TCAIM: variants seen among roughly 807,000 people sequenced by gnomAD.
TCAIM encodes the protein T-cell activation inhibitor, mitochondrial.
A neutral mutation model predicts 58.6 loss-of-function variants in TCAIM; 36 were observed. The observed-to-expected ratio is 0.61, with a 90% CI of 0.47 to 0.81. The LOEUF (loss-of-function observed/expected upper bound fraction) is 0.81. Among genes scored for constraint, TCAIM ranks in the 30% least tolerant of loss-of-function variants. The pLI is 0.00. For synonymous variants in TCAIM, 172 were observed against 193.6 expected, an observed-to-expected ratio of 0.89 and a Z score of 0.93; for missense variants, 466 against 579.6, an observed-to-expected ratio of 0.80 and a Z score of 2.01.
chr3:44,366,676 C>T (rs1051805907), intron 4 of TCAIM, among the ~76,000 whole-genome samples: 2 of 151,710 alleles, frequency 1.3e-5, no homozygotes, highest in African/African-American at 4.8e-5. Flanking sequence ...CTGTTTTAGC[C>T]AGGATAGTCT....
chr3:44,407,674 A>T lies in TCAIM; in HGVS notation c.1483A>T (p.Ile495Phe). 3 of 1,590,018 alleles carry T rather than the reference A, an allele frequency of 1.9e-6. No homozygotes were observed. The East Asian group carries it at 6.7e-5, about 36-fold the overall frequency. ...IPWNWKNGEAIK is the reference protein window; with the variant it reads ...IPWNWKNGEAFK ...TTGGAATTGGAAGAATGGAGAAGCC[A>T]TTAAGTAACACAGAAATCTGTTTTA... The change falls in exon 11 of 11, where the codon ATT becomes TTT. Residue 495 changes from isoleucine to phenylalanine, a missense_variant. By Grantham distance (21) the Ile-to-Phe change is conservative (BLOSUM62 0). Coordinates refer to ENST00000342649, the MANE Select transcript of TCAIM (RefSeq NM_173826.4).
chr3:44,378,951 G>A (rs1038493952), intron 5 of TCAIM, among the ~76,000 whole-genome samples: 5 of 151,936 alleles, frequency 3.3e-5, no homozygotes, highest in African/African-American at 1.2e-4. Context: ...TTGAACTCAG[G>A]AGTTTAAGAC....
chr3:44,398,515 A>G (rs80082857), intron 8 of TCAIM, among the ~76,000 whole-genome samples: 172 of 152,060 alleles, frequency 1.1e-3, no homozygotes, highest in African/African-American at 3.9e-3. Context: ...ATAGTGCATT[A>G]TCACTACACA....
At chr3:44,361,686 C>T (rs1021707822) in intron 4 of TCAIM, among the ~76,000 whole-genome samples, 168 bp downstream of exon 4, 4 of 152,104 alleles carry the variant, frequency 2.6e-5, no homozygotes, top group African/African-American at 7.2e-5. Context: ...TGCATATGTT[C>T]GAACAAGTGA....
At chr3:44,397,062 T>C (rs1044175038) in intron 8 of TCAIM, among the ~76,000 whole-genome samples, 6 of 152,234 alleles carry the variant, frequency 3.9e-5, no homozygotes, top group African/African-American at 1.4e-4. Flanking sequence ...TCTGGTAATA[T>C]TGCATTCTTT....
chr3:44,371,105 T>C (rs1199431950), intron 5 of TCAIM, among the ~76,000 whole-genome samples: 1 of 151,686 alleles, frequency 6.6e-6, no homozygotes, highest in African/African-American at 2.4e-5. Context: ...AGAGACGGGG[T>C]TTCACCATGT....
chr3:44,345,129 C>T (rs1447508600), intron 1 of TCAIM, among the ~76,000 whole-genome samples: 1 of 151,964 alleles, frequency 6.6e-6, no homozygotes, highest in Non-Finnish European at 1.5e-5. Flanking sequence ...CGACGTTTCT[C>T]AGGGCTGCTT....
chr3:44,396,610 T>TATCACA, intron 7 of TCAIM, 113 bp downstream of exon 7: 2 of 1,425,942 alleles, frequency 1.4e-6, no homozygotes, highest in African/African-American at 2.9e-5. Flanking sequence ...ATCTGTTCTT[T>TATCACA]GAATAAAGCA....
intron 5 of TCAIM, among the ~76,000 whole-genome samples, chr3:44,379,272 A>G (rs1158372889): frequency 6.6e-6 from 1 of 152,178 alleles, no homozygotes; most frequent in African/African-American, 2.4e-5. Flanking sequence ...TAGTGTTGGT[A>G]AGAGTGTATA....
chr3:44,342,987 A>AT (rs1444491353), intron 1 of TCAIM, among the ~76,000 whole-genome samples: 2 of 152,010 alleles, frequency 1.3e-5, no homozygotes, highest in African/African-American at 2.4e-5. Context: ...AAATACAAAA[A>AT]TTCGCTGGGT....
intron 6 of TCAIM, among the ~76,000 whole-genome samples, chr3:44,394,810 C>T (rs1415832518): frequency 7.2e-6 from 1 of 139,814 alleles, no homozygotes; most frequent in African/African-American, 2.7e-5. Context: ...AGGAGAATTG[C>T]TTGAACTCAG....
At chr3:44,393,438 G>T (rs771677315) in intron 6 of TCAIM, among the ~76,000 whole-genome samples, 5 of 152,120 alleles carry the variant, frequency 3.3e-5, no homozygotes, top group Non-Finnish European at 7.4e-5. Context: ...TGCAGCCTGG[G>T]TGATAGAGCA....
chr3:44,367,825 T>C lies in TCAIM; in HGVS notation c.572+117T>C, dbSNP rs892656920. On this transcript the variant is annotated intron_variant, in intron 5 of 10. Transcript: ENST00000342649. ...TAAAAAGTGTAGTTCACATTTAAAA[T>C]TAAAACCTAATTTTCCAGGAAAAGT... 4.3e-5 allele frequency: 45 copies of C among 1,055,562 alleles called. No individual in the cohort carries two copies. In the Admixed American group the frequency reaches 1.4e-3, roughly 32 times the overall value. 65.4% of individuals were successfully genotyped at this position (1,055,562 alleles called of 1,614,324 possible). A position where few individuals can be genotyped will look rare whatever the true frequency, so the allele number is the denominator to read the frequency against.
intron 5 of TCAIM, 148 bp downstream of exon 5, chr3:44,367,856 T>A: frequency 1.3e-6 from 1 of 754,014 alleles, no homozygotes; most frequent in Non-Finnish European, 2.0e-6. Context: ...AAAGTAATAC[T>A]ATCAGTCTAG....
chr3:44,358,651 G>C lies in TCAIM; in HGVS notation c.165+775G>C, dbSNP rs1168142760. 3 of 654,976 alleles carry C rather than the reference G, an allele frequency of 4.6e-6. No homozygotes were observed. In the Admixed American group the frequency reaches 1.9e-4, roughly 41 times the overall value. The allele number at this position is 654,976 out of a possible 1,614,324, so 40.6% of individuals were successfully genotyped here. On this transcript the variant is annotated intron_variant, in intron 3 of 10. Transcript: ENST00000342649. The stretch of plus-strand genomic sequence containing the variant: ...GCAAATACTACACTATTTTATATGA[G>C]AGACTTGAGCATTCGCAGATTTCGG...
At chr3:44,345,404 G>T (rs1004726573) in intron 1 of TCAIM, among the ~76,000 whole-genome samples, 7 of 152,158 alleles carry the variant, frequency 4.6e-5, no homozygotes, top group Non-Finnish European at 1.0e-4. Flanking sequence ...GCCCAAGGGG[G>T]TTCAGCATAA....
intron 1 of TCAIM, chr3:44,340,096 G>A (rs1181871681): frequency 6.6e-6 from 1 of 152,192 alleles, no homozygotes; most frequent in African/African-American, 2.4e-5. Flanking sequence ...AGAAGCCTGC[G>A]GTTGATGTGG....
intron 5 of TCAIM, among the ~76,000 whole-genome samples, chr3:44,389,746 T>TAAA (rs5848697): frequency 1.4e-5 from 2 of 147,704 alleles, no homozygotes; most frequent in African/African-American, 2.5e-5. Flanking sequence ...GTCATTGAAT[T>TAAA]AAAAAAAAAA....
intron 5 of TCAIM, among the ~76,000 whole-genome samples, chr3:44,387,164 A>G (rs73829636): frequency 1.2e-3 from 176 of 152,296 alleles, no homozygotes; most frequent in African/African-American, 3.9e-3. Context: ...GCCTGTGAAA[A>G]GGAGCTATCC....
Sources: allele counts gnomAD v4.1 joint callset (sites outside exome capture counted in the v4.1 genomes callset), GRCh38; gene constraint gnomAD v4.1.1; transcripts MANE v1.5; gene names NCBI Gene and HGNC (gene_info 2026-07-23, HGNC 2026-07-21).